GTF2H1: variants seen among roughly 807,000 people sequenced by gnomAD.
GTF2H1 encodes BTF2 p62.
A neutral mutation model predicts 71.2 loss-of-function variants in GTF2H1; 16 were observed. That is an observed-to-expected ratio of 0.22 (90% confidence interval 0.15 to 0.34). The LOEUF is 0.34. Ranked by LOEUF, GTF2H1 falls within the 10% of genes least tolerant of loss-of-function variation. The pLI is 1.00. For missense variants in GTF2H1, 498 were observed against 648.2 expected, an observed-to-expected ratio of 0.77 and a Z score of 2.52; for synonymous variants, 215 against 219.0, an observed-to-expected ratio of 0.98 and a Z score of 0.16.
intron 1 of GTF2H1, among the ~76,000 whole-genome samples, chr11:18,323,575 C>T (rs916991496): frequency 2.0e-5 from 3 of 151,972 alleles, no homozygotes; most frequent in Non-Finnish European, 4.4e-5. Context: ...AAAAAAAAAA[C>T]TGAGTGGTTT....
At chr11:18,338,057 A>T (rs941193799) in intron 3 of GTF2H1, 52 bp from the exon 4 acceptor site, 4 of 1,201,786 alleles carry the variant, frequency 3.3e-6, no homozygotes, top group Non-Finnish European at 2.4e-6. Context: ...ATGTACCTAC[A>T]TGGTGTTTTA....
At chr11:18,326,538 T>C (rs1336091949) in intron 1 of GTF2H1, among the ~76,000 whole-genome samples, 1 of 151,352 alleles carries the variant, frequency 6.6e-6, no homozygotes, top group African/African-American at 2.4e-5. Context: ...AAAAAGGTTA[T>C]GTTTTTCCCA....
At chr11:18,347,955 A>C (rs529107595) in intron 9 of GTF2H1, 36 bp downstream of exon 9, 3 of 1,326,194 alleles carry the variant, frequency 2.3e-6, no homozygotes. Flanking sequence ...TTGGGGCTCA[A>C]GTTTCTCCAA....
chr11:18,365,442 T>A (rs1300800468), intron 14 of GTF2H1, among the ~76,000 whole-genome samples: 1 of 152,150 alleles, frequency 6.6e-6, no homozygotes, highest in Non-Finnish European at 1.5e-5. Flanking sequence ...CTGACCAGTA[T>A]TCAAATCTAG....
chr11:18,341,287 C>T lies in GTF2H1; in HGVS notation c.634C>T (p.Pro212Ser), dbSNP rs779036710. 6.2e-7 allele frequency: 1 copy of T among 1,611,936 alleles called. No homozygotes were observed. Among genetic ancestry groups the T allele is most frequent in the South Asian group, 1.1e-5 (1 of 90,582 alleles). ...AAAAATGAAATATGCAGAAAATGTT[C>T]CCCACAACATGACAGAGAAGGAATT... The part of the protein sequence containing the change: ...AVKMKYAENV[P>S]HNMTEKEFWT... The change falls in exon 6 of 15, where the codon CCC (proline) becomes TCC (serine). Residue 212 changes from proline to serine, a missense_variant. Physicochemically the swap from Pro to Ser is moderately conservative, Grantham distance 74. Coordinates refer to ENST00000265963, the MANE Select transcript of GTF2H1 (RefSeq NM_005316.4).
chr11:18,334,131 G>A (rs555297650), intron 2 of GTF2H1, among the ~76,000 whole-genome samples: 2 of 152,286 alleles, frequency 1.3e-5, no homozygotes, highest in South Asian at 4.1e-4. Context: ...TGTAATCCCA[G>A]CACTTTGGGA....
chr11:18,352,045 A>C, intron 10 of GTF2H1, 76 bp downstream of exon 10: 1 of 787,032 alleles, frequency 1.3e-6, no homozygotes, highest in Non-Finnish European at 2.2e-6. Context: ...TATAGCACTC[A>C]TGTTTTAATC....
At chr11:18,361,684 CTA>C (rs1361706540) in intron 14 of GTF2H1, among the ~76,000 whole-genome samples, 10 of 152,116 alleles carry the variant, frequency 6.6e-5, no homozygotes, top group South Asian at 4.1e-4. Context: ...GTTTTACAAT[CTA>C]TGTGTATGTT....
chr11:18,347,835 A>G lies in GTF2H1; in HGVS notation c.969A>G (p.Glu323=), dbSNP rs546189912. The change falls in exon 9 of 15, where the codon GAA becomes GAG. Residue 323 remains glutamate (E), a synonymous_variant. Transcript: ENST00000265963. ...TTTTTTTCCCCTTTATTTTAAGAGA[A>G]GCACAAAATGAACAAACTAGTGAGC... The part of the protein sequence containing the change: ...MVLAAGLRKQ[E]AQNEQTSEPS... 1.4e-5 allele frequency: 22 copies of G among 1,601,532 alleles called. No individual in the cohort carries two copies. The South Asian group carries it at 2.2e-4, about 16-fold the overall frequency.
In GTF2H1 at chr11:18,333,062, CCTT is replaced by C. The variant is rs1565005494; in HGVS notation, c.-10_-8del. The stretch of plus-strand genomic sequence containing the variant: ...TTCATCTTTTTTTTCTCTCTTAGCA[CCTT>C]CTAGCCACCATGGCAACCTCATCTG... On this transcript the variant is annotated 5_prime_UTR_variant, in exon 2 of 15. Coordinates refer to ENST00000265963, the MANE Select transcript of GTF2H1 (RefSeq NM_005316.4). 1.9e-6 allele frequency: 3 copies of C among 1,603,118 alleles called. No individual in the cohort carries two copies. Among genetic ancestry groups the C allele is most frequent in the South Asian group, 1.1e-5 (1 of 89,410 alleles).
chr11:18,334,349 C>T (rs4150571), intron 2 of GTF2H1, among the ~76,000 whole-genome samples: 3,178 of 152,284 alleles, frequency 0.021, 44 homozygotes, highest in Non-Finnish European at 0.033. Context: ...CACTGCACTC[C>T]AGTCTGGGTG....
chr11:18,343,148 C>T (rs1282547356), intron 7 of GTF2H1, among the ~76,000 whole-genome samples: 1 of 152,204 alleles, frequency 6.6e-6, no homozygotes, highest in Non-Finnish European at 1.5e-5. Flanking sequence ...TCTTGAACTC[C>T]TGACCTCAGG....
At chr11:18,341,485 A>G (rs930491316) in intron 6 of GTF2H1, 43 bp from the exon 7 acceptor site, 12 of 1,601,280 alleles carry the variant, frequency 7.5e-6, no homozygotes, top group Non-Finnish European at 1.0e-5. Flanking sequence ...AATTTCTGAG[A>G]CAGATAAGAC....
At chr11:18,339,957 A>G (rs1865118965) in intron 5 of GTF2H1, among the ~76,000 whole-genome samples, 1 of 152,090 alleles carries the variant, frequency 6.6e-6, no homozygotes, top group South Asian at 2.1e-4. Flanking sequence ...GCCATCCTAA[A>G]AGTATAGATT....
At chr11:18,351,227 G>GAAAAAAAAA (rs570927805) in intron 9 of GTF2H1, among the ~76,000 whole-genome samples, 1 of 140,646 alleles carries the variant, frequency 7.1e-6, no homozygotes, top group African/African-American at 2.9e-5. Flanking sequence ...TATGCGCCTA[G>GAAAAAAAAA]AAAAAAAAAA....
At chr11:18,345,792 A>C (rs1331075524) in intron 7 of GTF2H1, among the ~76,000 whole-genome samples, 1 of 50,798 alleles carries the variant, frequency 2.0e-5, no homozygotes, top group Non-Finnish European at 4.3e-5. Context: ...CCCAGCACAT[A>C]TGAGTTTTTT....
chr11:18,342,535 TAC>T (rs1865185575), intron 7 of GTF2H1, among the ~76,000 whole-genome samples: 1 of 152,122 alleles, frequency 6.6e-6, no homozygotes, highest in South Asian at 2.1e-4. Context: ...GTGCTGGGAT[TAC>T]AGTCATGAGC....
At chr11:18,365,071 T>A (rs10832922) in intron 14 of GTF2H1, among the ~76,000 whole-genome samples, 87,299 of 139,170 alleles carry the variant, frequency 0.63, 28,534 homozygotes, top group East Asian at 0.96. Flanking sequence ...CTCCACTATT[T>A]AAAAAAGAAA....
intron 2 of GTF2H1, 41 bp downstream of exon 2, chr11:18,333,269 T>C (rs1188009875): frequency 4.4e-6 from 6 of 1,376,790 alleles, no homozygotes; most frequent in Non-Finnish European, 6.1e-6. Context: ...TTGTATGTCA[T>C]AGTTGCTAGT....
Sources: gnomAD v4.1 joint callset for allele counts (sites outside exome capture counted in the v4.1 genomes callset) on GRCh38, gnomAD v4.1.1 for gene constraint, MANE v1.5 for transcripts, NCBI Gene and HGNC (gene_info 2026-07-23, HGNC 2026-07-21) for gene names.